MMP26: variants seen among roughly 807,000 people sequenced by gnomAD.
MMP26 encodes the protein matrix metallopeptidase 26.
In MMP26, 33 loss-of-function variants were observed where a neutral mutation model predicts 31.0. That is an observed-to-expected ratio of 1.06 (90% CI 0.81 to 1.42). The LOEUF (loss-of-function observed/expected upper bound fraction) is 1.42, where lower values mean the gene tolerates loss of function less well. Ranked by LOEUF, MMP26 falls within the 40% of genes most tolerant of loss-of-function variation. The probability of loss-of-function intolerance (pLI) is 0.00; values close to 1 mark genes in which losing one functional copy is unlikely to be tolerated. For synonymous variants in MMP26, 122 were observed against 114.9 expected, an observed-to-expected ratio of 1.06 and a Z score of -0.40; for missense variants, 347 against 316.1, an observed-to-expected ratio of 1.10 and a Z score of -0.74.
At chr11:4,889,261 G>A (rs1850584274) in intron 2 of MMP26, among the ~76,000 whole-genome samples, 1 of 152,006 alleles carries the variant, frequency 6.6e-6, no homozygotes, top group South Asian at 2.1e-4. Flanking sequence ...CATAGTATAT[G>A]CATCTTACCT....
chr11:4,880,613 G>A (rs922125489), intron 2 of MMP26, among the ~76,000 whole-genome samples: 11 of 152,090 alleles, frequency 7.2e-5, no homozygotes, highest in Admixed American at 4.6e-4. Context: ...TTAGTAACTA[G>A]CATTGAGAGA....
intron 1 of MMP26, among the ~76,000 whole-genome samples, chr11:4,708,708 T>A (rs1050034137): frequency 6.6e-6 from 1 of 152,208 alleles, no homozygotes; most frequent in Non-Finnish European, 1.5e-5. Context: ...GAGCATACAC[T>A]TAGATCTCCA....
intron 2 of MMP26, among the ~76,000 whole-genome samples, chr11:4,853,911 A>AT (rs1850011716): frequency 6.6e-6 from 1 of 152,322 alleles, no homozygotes; most frequent in South Asian, 2.1e-4. Flanking sequence ...ATTTGGCTAC[A>AT]TAAAAAAAAA....
At chr11:4,766,690 C>T (rs1848632697) in intron 1 of MMP26, among the ~76,000 whole-genome samples, 1 of 47,086 alleles carries the variant, frequency 2.1e-5, no homozygotes, top group Non-Finnish European at 4.3e-5. Context: ...CTCCCACTTT[C>T]CTTTCCCTCC....
chr11:4,769,970 T>C (rs754111996), intron 2 of MMP26: 11 of 866,996 alleles, frequency 1.3e-5, no homozygotes, highest in Admixed American at 2.0e-5. Context: ...CCTATAGAAG[T>C]GATACATTAA....
chr11:4,915,154 T>G, intron 2 of MMP26: 1 of 1,613,938 alleles, frequency 6.2e-7, no homozygotes, highest in Non-Finnish European at 8.5e-7. Context: ...AATAGGGGAA[T>G]CTTTTGAGCA....
intron 2 of MMP26, among the ~76,000 whole-genome samples, chr11:4,980,290 T>C (rs1846794075): frequency 6.6e-6 from 1 of 152,094 alleles, no homozygotes; most frequent in South Asian, 2.1e-4. Flanking sequence ...ATAGCTGTAG[T>C]TTATTTATGG....
chr11:4,766,740 C>T (rs971795966), intron 1 of MMP26, among the ~76,000 whole-genome samples: 6 of 118,142 alleles, frequency 5.1e-5, no homozygotes, highest in Non-Finnish European at 1.0e-4. Flanking sequence ...TTTTTTCATC[C>T]TTTTTCTCTC....
intron 2 of MMP26, chr11:4,923,730 C>A: frequency 6.2e-7 from 1 of 1,614,020 alleles, no homozygotes; most frequent in Non-Finnish European, 8.5e-7. Flanking sequence ...CAGGCCACAA[C>A]AAAGAGCCCA....
intron 2 of MMP26, chr11:4,793,630 C>G (rs1376450492): frequency 2.0e-5 from 3 of 152,114 alleles, no homozygotes; most frequent in African/African-American, 4.8e-5. Context: ...GGTTTACATC[C>G]TGAGAATTAC....
chr11:4,894,144 G>A (rs1850668728), intron 2 of MMP26, among the ~76,000 whole-genome samples: 1 of 151,840 alleles, frequency 6.6e-6, no homozygotes, highest in Non-Finnish European at 1.5e-5. Context: ...AAAGTAGAGT[G>A]GGTTAAAAGA....
At chr11:4,871,798 G>C (rs1484819789) in intron 2 of MMP26, 1 of 152,204 alleles carries the variant, frequency 6.6e-6, no homozygotes, top group Non-Finnish European at 1.5e-5. Context: ...TCTTGTCACA[G>C]AACGGCAAAG....
chr11:4,886,729 T>C (rs570087725), intron 2 of MMP26, among the ~76,000 whole-genome samples: 2 of 151,810 alleles, frequency 1.3e-5, no homozygotes, highest in East Asian at 1.9e-4. Flanking sequence ...AAAGACTTTA[T>C]TTTTGACAGA....
intron 2 of MMP26, among the ~76,000 whole-genome samples, chr11:4,842,983 G>T (rs1849816756): frequency 6.6e-6 from 1 of 152,212 alleles, no homozygotes; most frequent in Non-Finnish European, 1.5e-5. Context: ...CAGCAGGGCA[G>T]TCATTAAATC....
At chr11:4,965,181 T>C (rs893275657) in intron 2 of MMP26, among the ~76,000 whole-genome samples, 1 of 152,184 alleles carries the variant, frequency 6.6e-6, no homozygotes, top group Non-Finnish European at 1.5e-5. Flanking sequence ...TAGTTGACTT[T>C]ATGGATCCAA....
chr11:4,945,518 G>A (rs1013807641), intron 2 of MMP26: 4 of 153,762 alleles, frequency 2.6e-5, no homozygotes, highest in African/African-American at 4.8e-5. Context: ...CATTCAATTT[G>A]CCTATAGATT....
chr11:4,793,976 G>A (rs10768241), intron 2 of MMP26: 56,188 of 152,074 alleles, frequency 0.37, 11,467 homozygotes, highest in African/African-American at 0.52. Context: ...TGACACAAAT[G>A]TGGAAGGCAT....
chr11:4,798,923 A>G (rs1478975344), intron 2 of MMP26, among the ~76,000 whole-genome samples: 1 of 152,204 alleles, frequency 6.6e-6, no homozygotes, highest in Non-Finnish European at 1.5e-5. Context: ...GAGCCCTGAC[A>G]TCACAGTTTG....
At chr11:4,736,245 G>A (rs1311350212) in intron 1 of MMP26, 1 of 152,050 alleles carries the variant, frequency 6.6e-6, no homozygotes, top group African/African-American at 2.4e-5. Flanking sequence ...ATTCATCACT[G>A]GTGGAATAAG....
Sources: gnomAD v4.1 joint callset for allele counts (sites outside exome capture counted in the v4.1 genomes callset) on GRCh38, gnomAD v4.1.1 for gene constraint, MANE v1.5 for transcripts, NCBI Gene and HGNC (gene_info 2026-07-23, HGNC 2026-07-21) for gene names.